Variants in STAB2 observed in about 807,000 individuals in gnomAD.
STAB2 encodes stabilin-2.
A neutral mutation model predicts 338.1 loss-of-function variants in STAB2; 288 were observed. The ratio of observed to expected loss-of-function variants is 0.85; its 90% CI spans 0.77 to 0.94. STAB2 has a LOEUF of 0.94. Ranked by LOEUF, STAB2 falls within the 40% of genes least tolerant of loss-of-function variation. The pLI is 0.00. For synonymous variants in STAB2, 1,202 were observed against 1,193.3 expected (o/e 1.01, Z -0.15); for missense variants, 3,141 against 3,210.1 (o/e 0.98, Z 0.52).
chr12:103,679,380 A>G (rs1381478229), intron 25 of STAB2, among the ~76,000 whole-genome samples: 1 of 152,060 alleles, frequency 6.6e-6, no homozygotes, highest in Non-Finnish European at 1.5e-5. Flanking sequence ...AAAAAGAAAA[A>G]AAAAAGGGGG....
intron 39 of STAB2, 91 bp from the exon 40 acceptor site, chr12:103,711,380 A>G: frequency 6.5e-7 from 1 of 1,547,720 alleles, no homozygotes; most frequent in Non-Finnish European, 8.9e-7. Context: ...TATCACTTCC[A>G]AAGAAGTAGC....
intron 42 of STAB2, among the ~76,000 whole-genome samples, chr12:103,714,376 C>T (rs949818732): frequency 6.6e-6 from 1 of 152,130 alleles, no homozygotes; most frequent in Non-Finnish European, 1.5e-5. Flanking sequence ...AAAAAAGACC[C>T]ACTTGTTCTT....
chr12:103,757,121 T>C (rs1395008035), intron 63 of STAB2, among the ~76,000 whole-genome samples: 1 of 151,508 alleles, frequency 6.6e-6, no homozygotes, highest in Non-Finnish European at 1.5e-5. Context: ...GAGAGTCTTG[T>C]TGTGTTGCCC....
intron 52 of STAB2, among the ~76,000 whole-genome samples, chr12:103,735,811 T>G (rs1449027603): frequency 6.6e-6 from 1 of 152,180 alleles, no homozygotes; most frequent in Non-Finnish European, 1.5e-5. Flanking sequence ...GCAGGAAGCC[T>G]CTTACACTGT....
chr12:103,692,398 G>T (rs557306774), intron 30 of STAB2, among the ~76,000 whole-genome samples: 10 of 152,052 alleles, frequency 6.6e-5, no homozygotes, highest in Admixed American at 6.5e-4. Flanking sequence ...GTGGGGGCAG[G>T]GGGGGACACA....
intron 49 of STAB2, among the ~76,000 whole-genome samples, chr12:103,731,213 C>A (rs1292195498): frequency 6.6e-6 from 1 of 152,214 alleles, no homozygotes; most frequent in African/African-American, 2.4e-5. Flanking sequence ...GGACACTAGA[C>A]ACTGGGCTAT....
At chr12:103,709,871 G>A (rs1405305328) in intron 39 of STAB2, among the ~76,000 whole-genome samples, 1 of 152,034 alleles carries the variant, frequency 6.6e-6, no homozygotes, top group East Asian at 1.9e-4. Flanking sequence ...AATACAATAG[G>A]CTCTCTCCTC....
chr12:103,640,239 C>G lies in STAB2; in HGVS notation c.1023C>G (p.Val341=). ...ATAGGAATGCAAATTGCACCACCGTCGCACCAGGCCGAACTGAGTAAGTCT... is the reference window on the plus strand; with the variant it reads ...ATAGGAATGCAAATTGCACCACCGTGGCACCAGGCCGAACTGAGTAAGTCT... The part of the protein sequence containing the change: ...PCHRNANCTT[V]APGRTECICQ... The change falls in exon 9 of 69, where the codon GTC becomes GTG. Residue 341 remains valine, a synonymous_variant. Coordinates refer to ENST00000388887, the MANE Select transcript of STAB2 (RefSeq NM_017564.10). 1 of 1,613,268 alleles carries G rather than the reference C, an allele frequency of 6.2e-7. No individual in the cohort carries two copies. The highest frequency in any genetic ancestry group is 8.5e-7 in the Non-Finnish European group (1 of 1,179,454).
intron 63 of STAB2, 83 bp from the exon 64 acceptor site, chr12:103,758,087 G>T: frequency 6.3e-7 from 1 of 1,585,248 alleles, no homozygotes. Flanking sequence ...TCACAGATGG[G>T]TGATGCCCTG....
At chr12:103,728,802 C>A in intron 47 of STAB2, 47 bp from the exon 48 acceptor site, 1 of 1,608,244 alleles carries the variant, frequency 6.2e-7, no homozygotes, top group Middle Eastern at 1.7e-4. Flanking sequence ...CACATTGCAG[C>A]AAAAGACTCC....
intron 3 of STAB2, among the ~76,000 whole-genome samples, chr12:103,605,720 T>A (rs1461427658): frequency 1.3e-5 from 2 of 152,072 alleles, no homozygotes; most frequent in Non-Finnish European, 2.9e-5. Context: ...GAAATGAACT[T>A]CTTTATACCT....
Position 103,675,929 on chromosome 12 carries a change from T to A in STAB2, c.2554T>A (p.Cys852Ser), listed in dbSNP as rs1297020646. 2.5e-6 allele frequency: 4 copies of A among 1,611,570 alleles called. No individual in the cohort carries two copies. The highest frequency in any genetic ancestry group is 1.7e-5 in the Admixed American group (1 of 59,496). ...TCEYSNGTAS[C>S]ICKAGYEGDG... ...GATATTGCACACTCTCCTTTGCAGT[T>A]GTATTTGCAAAGCAGGATATGAAGG... The change falls in exon 24 of 69, where the codon TGT becomes AGT. Residue 852 changes from cysteine (C) to serine (S), a missense_variant and splice_region_variant. Physicochemically the swap from Cys to Ser is moderately radical, Grantham distance 112. Coordinates refer to ENST00000388887, the MANE Select transcript of STAB2 (RefSeq NM_017564.10).
intron 3 of STAB2, among the ~76,000 whole-genome samples, chr12:103,615,451 G>A (rs1357756166): frequency 2.6e-5 from 4 of 152,140 alleles, no homozygotes; most frequent in African/African-American, 9.7e-5. Context: ...CACAGAGGAA[G>A]CCTGCATCTT....
intron 25 of STAB2, among the ~76,000 whole-genome samples, 179 bp from the exon 26 acceptor site, chr12:103,683,026 A>G (rs1877066560): frequency 1.3e-5 from 2 of 152,184 alleles, no homozygotes; most frequent in African/African-American, 4.8e-5. Flanking sequence ...TGTAATGTAG[A>G]ATATGGAGAC....
At chr12:103,736,283 A>C (rs1235243875) in intron 52 of STAB2, among the ~76,000 whole-genome samples, 2 of 152,170 alleles carry the variant, frequency 1.3e-5, no homozygotes, top group African/African-American at 4.8e-5. Context: ...TCCAGGCACC[A>C]TGTCTACTTT....
At position 103,762,423 on chromosome 12, in the gene STAB2, C is replaced by T. The variant is rs371484967; in HGVS notation, c.7488+21C>T. Reference sequence around the variant, plus strand: ...TTGAGGTAAGAGAGAAAAATGGGAACATGATGATGGGGTCCTCTCCAAAAA... The same window carrying T: ...TTGAGGTAAGAGAGAAAAATGGGAATATGATGATGGGGTCCTCTCCAAAAA... On this transcript the variant is annotated intron_variant, in intron 67 of 68. Coordinates refer to ENST00000388887, the MANE Select transcript of STAB2 (RefSeq NM_017564.10). The T allele has an allele frequency of 1.2e-5, 20 of 1,614,026 alleles. No homozygotes were observed. The South Asian group carries it at 1.5e-4, about 12-fold the overall frequency.
intron 58 of STAB2, among the ~76,000 whole-genome samples, chr12:103,747,164 C>CA (rs796344956): frequency 1.3e-4 from 20 of 149,796 alleles, no homozygotes; most frequent in African/African-American, 3.7e-4. Flanking sequence ...ATCCAGCCTT[C>CA]AAAAAAAAAT....
chr12:103,736,262 G>A (rs1206485052), intron 52 of STAB2, among the ~76,000 whole-genome samples: 1 of 152,150 alleles, frequency 6.6e-6, no homozygotes. Context: ...GTCCAGCATG[G>A]TTGCTGGAGC....
rs1016173330 is a variant in STAB2, at chr12:103,692,668, A to C, written c.3298-144A>C. On this transcript the variant is annotated intron_variant, in intron 30 of 68. Coordinates refer to ENST00000388887, the MANE Select transcript of STAB2 (RefSeq NM_017564.10). The stretch of plus-strand genomic sequence containing the variant: ...GAGAGAGAGGGGTCTATGGGACAAC[A>C]AGTTAAAGGTATTTCTTACTGTGGG... 6.7e-6 allele frequency: 4 copies of C among 597,606 alleles called. No individual in the cohort carries two copies. The African/African-American group carries it at 7.5e-5, about 11-fold the overall frequency. The allele number at this position is 597,606 out of a possible 1,614,324, so 37.0% of individuals were successfully genotyped here. A position where few individuals can be genotyped will look rare whatever the true frequency, so the allele number is the denominator to read the frequency against.
Sources: allele counts gnomAD v4.1 joint callset (sites outside exome capture counted in the v4.1 genomes callset), GRCh38; gene constraint gnomAD v4.1.1; transcripts MANE v1.5; gene names NCBI Gene and HGNC (gene_info 2026-07-23, HGNC 2026-07-21).